Variants in SUMF1 observed in about 807,000 individuals in gnomAD.
SUMF1 encodes sulfatase modifying factor 1.
SUMF1 carries 48 observed loss-of-function variants against 47.6 expected under a neutral mutation model. The ratio of observed to expected loss-of-function variants is 1.01; its 90% confidence interval spans 0.80 to 1.28. The LOEUF is 1.28. Among genes scored for constraint, SUMF1 ranks in the 50% most tolerant of loss-of-function variants. The probability of loss-of-function intolerance (pLI) is 0.00; values close to 1 mark genes in which losing one functional copy is unlikely to be tolerated. For missense variants in SUMF1, 571 were observed against 485.4 expected (o/e 1.18, Z -1.66); for synonymous variants, 230 against 192.1 (o/e 1.20, Z -1.63).
At chr3:4,436,145 A>T (rs1165427559) in intron 3 of SUMF1, among the ~76,000 whole-genome samples, 2 of 152,166 alleles carry the variant, frequency 1.3e-5, no homozygotes, top group Non-Finnish European at 2.9e-5. Context: ...AATAAATTAA[A>T]TTAAATATGT....
intron 8 of SUMF1, among the ~76,000 whole-genome samples, chr3:4,171,220 G>C (rs1373808537): frequency 1.3e-5 from 2 of 152,164 alleles, no homozygotes; most frequent in African/African-American, 4.8e-5. Context: ...ACCATCAGCA[G>C]CAAGGAGTAT....
chr3:4,383,310 C>T (rs948895715), intron 7 of SUMF1, among the ~76,000 whole-genome samples: 9 of 152,084 alleles, frequency 5.9e-5, no homozygotes, highest in African/African-American at 1.9e-4. Flanking sequence ...ACCCGGGAGG[C>T]GGAGGCTGCA....
chr3:4,347,991 T>C lies in SUMF1; in HGVS notation c.1014+28339A>G, dbSNP rs561979206. 4.0e-5 allele frequency among the ~76,000 whole-genome samples: 6 copies of C among 151,766 alleles called. No individual in the cohort carries two copies. In the South Asian group the frequency reaches 1.3e-3, roughly 32 times the overall value. ...CAGCTAACAAGAGATGTGAAGGACC[T>C]CTCCAACTACAAAGCACTGCTCAAG... is the stretch of plus-strand genomic sequence containing the variant. On this transcript the variant is annotated intron_variant and NMD_transcript_variant, in intron 8 of 12. Transcript: ENST00000448413.
At chr3:4,334,892 G>A (rs1354960593) in intron 8 of SUMF1, among the ~76,000 whole-genome samples, 2 of 152,134 alleles carry the variant, frequency 1.3e-5, no homozygotes, top group Non-Finnish European at 2.9e-5. Context: ...GCTAGCCTTT[G>A]TCCTGTAAAA....
chr3:4,172,349 C>T (rs1488601206), intron 8 of SUMF1, among the ~76,000 whole-genome samples: 4 of 152,240 alleles, frequency 2.6e-5, no homozygotes, highest in East Asian at 1.9e-4. Flanking sequence ...ATTTTAGACA[C>T]GTTGAGTTTT....
chr3:4,133,647 C>T (rs1421122656), intron 8 of SUMF1, among the ~76,000 whole-genome samples: 3 of 152,064 alleles, frequency 2.0e-5, no homozygotes, highest in Admixed American at 2.0e-4. Flanking sequence ...TTTCACCCTA[C>T]ATCTTTCTCC....
chr3:4,257,829 G>A, intron 8 of SUMF1, among the ~76,000 whole-genome samples: 1 of 151,632 alleles, frequency 6.6e-6, no homozygotes, highest in Non-Finnish European at 1.5e-5. Context: ...AAAGAACAAA[G>A]CTGGAAGCAT....
chr3:4,391,236 T>TTTTTTG (rs148665743), intron 7 of SUMF1, among the ~76,000 whole-genome samples: 291 of 152,158 alleles, frequency 1.9e-3, no homozygotes, highest in African/African-American at 2.0e-3. Flanking sequence ...CCAGGTGTGG[T>TTTTTTG]TTTTTGTTTT....
At chr3:4,385,087 T>C (rs1301228514) in intron 7 of SUMF1, among the ~76,000 whole-genome samples, 2 of 152,096 alleles carry the variant, frequency 1.3e-5, no homozygotes, top group East Asian at 3.9e-4. Flanking sequence ...GGTTTCACCA[T>C]GTTAGCCAGG....
At chr3:4,295,156 T>C (rs1288936329) in intron 8 of SUMF1, among the ~76,000 whole-genome samples, 2 of 152,138 alleles carry the variant, frequency 1.3e-5, no homozygotes. Flanking sequence ...TTCGTTTCCA[T>C]GGTTTCCTTT....
At chr3:4,188,207 A>T (rs1695244133) in intron 8 of SUMF1, among the ~76,000 whole-genome samples, 1 of 149,836 alleles carries the variant, frequency 6.7e-6, no homozygotes, top group Non-Finnish European at 1.5e-5. Context: ...ACAGAGTCTC[A>T]CTCTGTTACG....
chr3:4,451,615 C>A (rs995116035), intron 2 of SUMF1, among the ~76,000 whole-genome samples: 7 of 152,146 alleles, frequency 4.6e-5, no homozygotes, highest in African/African-American at 1.2e-4. Flanking sequence ...TATTGAGGAA[C>A]CTGAGCTGAG....
At chr3:4,169,670 C>G (rs756759426) in intron 8 of SUMF1, among the ~76,000 whole-genome samples, 1 of 152,142 alleles carries the variant, frequency 6.6e-6, no homozygotes, top group Non-Finnish European at 1.5e-5. Context: ...TCACCGTTAC[C>G]AATACCCCGT....
At chr3:4,210,113 T>C (rs949226564) in intron 8 of SUMF1, among the ~76,000 whole-genome samples, 2 of 152,140 alleles carry the variant, frequency 1.3e-5, no homozygotes, top group African/African-American at 4.8e-5. Flanking sequence ...CAGGCTGGTC[T>C]TGAACTCCTG....
chr3:4,254,765 G>A (rs1429003085), intron 8 of SUMF1, among the ~76,000 whole-genome samples: 10 of 148,784 alleles, frequency 6.7e-5, no homozygotes, highest in East Asian at 2.0e-4. Context: ...TACAGAGAAC[G>A]CCACAAAGAT....
intron 8 of SUMF1, among the ~76,000 whole-genome samples, chr3:4,157,670 T>C (rs1694485492): frequency 1.3e-5 from 2 of 151,600 alleles, no homozygotes; most frequent in African/African-American, 2.4e-5. Flanking sequence ...TTGTTTCCCT[T>C]ATAGCTCTGC....
intron 1 of SUMF1, among the ~76,000 whole-genome samples, chr3:4,457,010 G>A (rs373637191): frequency 1.1e-4 from 14 of 123,696 alleles, no homozygotes; most frequent in South Asian, 2.5e-4. Context: ...ATATATATAC[G>A]TGTGTGTACA....
At chr3:4,239,615 G>T (rs1210501573) in intron 8 of SUMF1, among the ~76,000 whole-genome samples, 3 of 152,168 alleles carry the variant, frequency 2.0e-5, no homozygotes, top group African/African-American at 7.2e-5. Context: ...TCTGCACATT[G>T]ATTTTGTATC....
intron 8 of SUMF1, among the ~76,000 whole-genome samples, chr3:4,272,372 C>T (rs556736236): frequency 4.6e-5 from 7 of 152,256 alleles, no homozygotes; most frequent in African/African-American, 1.4e-4. Context: ...GCTGGACCTT[C>T]GGAATTGTTC....
Sources: allele counts gnomAD v4.1 joint callset (sites outside exome capture counted in the v4.1 genomes callset), GRCh38; gene constraint gnomAD v4.1.1; transcripts MANE v1.5; gene names NCBI Gene and HGNC (gene_info 2026-07-23, HGNC 2026-07-21).